The following LINGO2 variants were observed in gnomAD, a reference collection of about 807,000 sequenced individuals.
LINGO2 encodes the protein leucine rich repeat and Ig domain containing 2.
Under a neutral mutation model 30.6 loss-of-function variants are expected in LINGO2, and 14 were observed. The observed-to-expected ratio is 0.46, with a 90% CI of 0.30 to 0.72. The LOEUF (loss-of-function observed/expected upper bound fraction) is 0.72, where lower values mean the gene tolerates loss of function less well. Ranked by LOEUF, LINGO2 falls within the 30% of genes least tolerant of loss-of-function variation. LINGO2 has a pLI of 0.07. For missense variants in LINGO2, 729 were observed against 751.7 expected (o/e 0.97, Z 0.35); for synonymous variants, 317 against 288.5 (o/e 1.10, Z -1.00).
chr9:27,955,514 T>G (rs1366085095), intron 5 of LINGO2, among the ~76,000 whole-genome samples: 1 of 152,220 alleles, frequency 6.6e-6, no homozygotes, highest in African/African-American at 2.4e-5. Context: ...GCATTGTCAC[T>G]ATAGATTAGT....
chr9:28,935,312 A>T, the LINGO2 span, among the ~76,000 whole-genome samples: 1 of 152,074 alleles, frequency 6.6e-6, no homozygotes, highest in African/African-American at 2.4e-5. Context: ...GTGATCTCAA[A>T]CATGGAACTG....
chr9:28,107,733 T>C lies in LINGO2; in HGVS notation c.-86-95328A>G, dbSNP rs184162471. Among the ~76,000 whole-genome samples, 6 of 152,230 alleles carry C rather than the reference T, an allele frequency of 3.9e-5. No individual in the cohort carries two copies. In the East Asian group the frequency reaches 1.2e-3, roughly 29 times the overall value. On this transcript the variant is annotated intron_variant, in intron 4 of 5. Coordinates refer to ENST00000379992, the Ensembl canonical transcript of LINGO2. The stretch of plus-strand genomic sequence containing the variant: ...GGTAATTCACCAATACAATTTCAAA[T>C]GGAAACCTCAGTTGGATGTTTGCTC...
rs554761030 is a variant in LINGO2, at chr9:28,383,669, T to C, written c.-278-10801A>G. On this transcript the variant is annotated intron_variant, in intron 2 of 5. Coordinates refer to ENST00000379992, the Ensembl canonical transcript of LINGO2. ...CGAACCACTAAATTAATACTGAATGTTGATTTATGTTAATGACATTTAGTA... is the reference window on the plus strand; with the variant it reads ...CGAACCACTAAATTAATACTGAATGCTGATTTATGTTAATGACATTTAGTA... 7.9e-5 allele frequency among the ~76,000 whole-genome samples: 12 copies of C among 152,196 alleles called. No homozygotes were observed. In the East Asian group the frequency reaches 9.7e-4, roughly 12 times the overall value.
chr9:29,198,798 A>G, the LINGO2 span, among the ~76,000 whole-genome samples: 1 of 152,156 alleles, frequency 6.6e-6, no homozygotes, highest in Admixed American at 6.6e-5. Context: ...TTCAAGAACA[A>G]TGCATAGGTG....
the LINGO2 span, among the ~76,000 whole-genome samples, chr9:28,741,288 C>T: frequency 6.6e-6 from 1 of 152,006 alleles, no homozygotes; most frequent in African/African-American, 2.4e-5. Flanking sequence ...GGGGTGGTGA[C>T]CTGATGCTGG....
chr9:28,367,900 T>A (rs1169508444), intron 3 of LINGO2, among the ~76,000 whole-genome samples: 1 of 152,162 alleles, frequency 6.6e-6, no homozygotes, highest in Non-Finnish European at 1.5e-5. Flanking sequence ...CTTTTTCCCC[T>A]ATTTTTAATC....
the LINGO2 span, among the ~76,000 whole-genome samples, chr9:28,995,511 C>A: frequency 6.6e-6 from 1 of 152,264 alleles, no homozygotes; most frequent in East Asian, 1.9e-4. Flanking sequence ...CCAGCCATCC[C>A]ATTACTGGGT....
chr9:28,138,175 C>T (rs866025467), intron 4 of LINGO2, among the ~76,000 whole-genome samples: 1 of 152,150 alleles, frequency 6.6e-6, no homozygotes, highest in Non-Finnish European at 1.5e-5. Context: ...ATCTTAGCTC[C>T]ATCTATCTCA....
chr9:29,127,781 G>A, the LINGO2 span, among the ~76,000 whole-genome samples: 1 of 152,066 alleles, frequency 6.6e-6, no homozygotes, highest in Non-Finnish European at 1.5e-5. Context: ...GTCTTTCCTG[G>A]TTATAGTCCC....
the LINGO2 span, among the ~76,000 whole-genome samples, chr9:28,977,659 C>G: frequency 6.6e-6 from 1 of 152,084 alleles, no homozygotes; most frequent in Non-Finnish European, 1.5e-5. Flanking sequence ...AAGTATACAT[C>G]ACTGTATACA....
At chr9:28,212,355 C>T (rs72726944) in intron 4 of LINGO2, among the ~76,000 whole-genome samples, 4,982 of 151,366 alleles carry the variant, frequency 0.033, 110 homozygotes, top group Middle Eastern at 0.11. Context: ...GTTAGCATGG[C>T]AAATGAGGGG....
intron 5 of LINGO2, among the ~76,000 whole-genome samples, chr9:28,003,330 GATAT>G (rs1471110239): frequency 5.2e-5 from 7 of 133,674 alleles, no homozygotes; most frequent in African/African-American, 2.1e-4. Flanking sequence ...TAACCATATA[GATAT>G]ATAGATATAT....
chr9:29,069,887 C>G, the LINGO2 span, among the ~76,000 whole-genome samples: 2 of 151,984 alleles, frequency 1.3e-5, no homozygotes, highest in Admixed American at 6.6e-5. Context: ...AATACTCAAA[C>G]TGGCATAACA....
At chr9:28,080,878 C>T (rs1418234595) in intron 4 of LINGO2, 2 of 152,058 alleles carry the variant, frequency 1.3e-5, no homozygotes, top group Admixed American at 6.5e-5. Flanking sequence ...GGGAGGAGGC[C>T]ATGAAGAGAA....
chr9:27,969,368 G>T (rs1230882498), intron 5 of LINGO2, among the ~76,000 whole-genome samples: 2 of 152,050 alleles, frequency 1.3e-5, no homozygotes, highest in Non-Finnish European at 2.9e-5. Flanking sequence ...AAGCCTGTTA[G>T]TGTCTAACGA....
At chr9:28,797,347 TATATATATATATAGAGAGAGAG>T in the LINGO2 span, among the ~76,000 whole-genome samples, 391 of 68,244 alleles carry the variant, frequency 5.7e-3, 2 homozygotes, top group African/African-American at 0.018. Flanking sequence ...TATATATATA[TATATATATATATAGAGAGAGAG>T]AGAGAGAGAG....
chr9:28,481,200 C>A (rs1825950617), intron 1 of LINGO2, among the ~76,000 whole-genome samples: 1 of 152,060 alleles, frequency 6.6e-6, no homozygotes, highest in Non-Finnish European at 1.5e-5. Flanking sequence ...AAGTGTATTG[C>A]AAATAGTTAA....
chr9:28,254,078 T>A (rs1186750602), intron 4 of LINGO2, among the ~76,000 whole-genome samples: 2 of 152,060 alleles, frequency 1.3e-5, no homozygotes, highest in East Asian at 1.9e-4. Flanking sequence ...TTCATGGCCG[T>A]GTGACAAGGA....
At chr9:28,059,638 T>C (rs953818440) in intron 4 of LINGO2, among the ~76,000 whole-genome samples, 1 of 152,116 alleles carries the variant, frequency 6.6e-6, no homozygotes, top group Non-Finnish European at 1.5e-5. Flanking sequence ...AAATCTCTTA[T>C]CTCTAGCAAC....
Sources: allele counts gnomAD v4.1 joint callset (sites outside exome capture counted in the v4.1 genomes callset), GRCh38; gene constraint gnomAD v4.1.1; transcripts MANE v1.5; gene names NCBI Gene and HGNC (gene_info 2026-07-23, HGNC 2026-07-21).